The following BNC2 variants were observed in gnomAD, a reference collection of about 807,000 sequenced individuals.
BNC2 encodes basonuclin zinc finger protein 2.
In BNC2, 20 loss-of-function variants were observed where a neutral mutation model predicts 76.3. The ratio of observed to expected loss-of-function variants is 0.26; its 90% CI spans 0.18 to 0.38. The LOEUF is 0.38. Among genes scored for constraint, BNC2 ranks in the 10% least tolerant of loss-of-function variants. The pLI is 1.00. For synonymous variants in BNC2, 582 were observed against 514.8 expected (o/e 1.13, Z -1.77); for missense variants, 1,382 against 1,399.8 (o/e 0.99, Z 0.20).
chr9:16,661,163 G>C (rs933962542), intron 3 of BNC2, among the ~76,000 whole-genome samples: 1 of 152,140 alleles, frequency 6.6e-6, no homozygotes, highest in African/African-American at 2.4e-5. Flanking sequence ...TTCATTCCTA[G>C]AGAGAAAGAA....
At position 16,632,729 on chromosome 9, in the gene BNC2, C is replaced by CCAAGGTCTAATTTAACG. The variant is rs1390048634; in HGVS notation, c.331-49661_331-49645dup. Among the ~76,000 whole-genome samples, 9 of 152,258 alleles carry CCAAGGTCTAATTTAACG rather than the reference C, an allele frequency of 5.9e-5. No individual in the cohort carries two copies. The East Asian group carries it at 1.2e-3, about 20-fold the overall frequency. ...CATGTCTCTGAATGAGACACCCATC[C>CCAAGGTCTAATTTAACG]CAAGGTCTAATTTAACGCCATCTGG... On this transcript the variant is annotated intron_variant, in intron 3 of 6. Coordinates refer to ENST00000380672, the MANE Select transcript of BNC2 (RefSeq NM_017637.6).
At chr9:16,636,991 C>A (rs570388452) in intron 3 of BNC2, among the ~76,000 whole-genome samples, 1 of 151,366 alleles carries the variant, frequency 6.6e-6, no homozygotes, top group South Asian at 2.1e-4. Flanking sequence ...ATGGGAAAAA[C>A]AAGCTAGAAG....
At chr9:16,607,518 T>G (rs1028348527) in intron 3 of BNC2, among the ~76,000 whole-genome samples, 1 of 152,196 alleles carries the variant, frequency 6.6e-6, no homozygotes, top group African/African-American at 2.4e-5. Context: ...TTAGGGTAAG[T>G]AAACAATTTT....
chr9:16,571,613 C>T (rs1224989120), intron 4 of BNC2, among the ~76,000 whole-genome samples: 1 of 152,106 alleles, frequency 6.6e-6, no homozygotes, highest in East Asian at 1.9e-4. Flanking sequence ...TGTCTCCTGT[C>T]TACTTTTCTT....
chr9:16,575,498 T>C (rs886440678), intron 4 of BNC2: 31 of 942,698 alleles, frequency 3.3e-5, no homozygotes, highest in Admixed American at 6.2e-5. Flanking sequence ...TTAAAGAAAA[T>C]TTAAGGAGTG....
At chr9:16,536,378 G>A (rs1478840390) in intron 5 of BNC2, among the ~76,000 whole-genome samples, 1 of 152,172 alleles carries the variant, frequency 6.6e-6, no homozygotes, top group Non-Finnish European at 1.5e-5. Flanking sequence ...TTCTTGTTGT[G>A]AAGTTCAGCA....
intron 1 of BNC2, among the ~76,000 whole-genome samples, chr9:16,847,910 C>A (rs928868081): frequency 1.3e-5 from 2 of 152,180 alleles, no homozygotes; most frequent in Non-Finnish European, 2.9e-5. Context: ...AGACAGGTTA[C>A]ATAAATACAT....
intron 3 of BNC2, among the ~76,000 whole-genome samples, chr9:16,608,693 C>T (rs1311531987): frequency 6.6e-6 from 1 of 152,046 alleles, no homozygotes; most frequent in Non-Finnish European, 1.5e-5. Flanking sequence ...CAGACATACA[C>T]TTTACATGTT....
At chr9:16,596,971 G>A (rs1281889028) in intron 3 of BNC2, among the ~76,000 whole-genome samples, 2 of 152,070 alleles carry the variant, frequency 1.3e-5, no homozygotes, top group Non-Finnish European at 2.9e-5. Context: ...AAGAAAATGT[G>A]ATCTATCACC....
intron 5 of BNC2, among the ~76,000 whole-genome samples, chr9:16,453,725 G>A (rs1420563759): frequency 6.6e-6 from 1 of 152,154 alleles, no homozygotes; most frequent in East Asian, 1.9e-4. Context: ...GCTGAGGCAG[G>A]AGAACTGCTT....
chr9:16,727,576 C>A (rs955755251), intron 3 of BNC2: 2 of 555,486 alleles, frequency 3.6e-6, no homozygotes, highest in Non-Finnish European at 6.3e-6. Context: ...TCTTTTACTT[C>A]GGTATCCTTT....
At chr9:16,474,325 C>T (rs1239264424) in intron 5 of BNC2, among the ~76,000 whole-genome samples, 5 of 152,104 alleles carry the variant, frequency 3.3e-5, no homozygotes, top group African/African-American at 4.8e-5. Flanking sequence ...AAGAAGAACA[C>T]TTGGGAACAT....
At chr9:16,794,146 T>C (rs898807277) in intron 1 of BNC2, among the ~76,000 whole-genome samples, 14 of 152,100 alleles carry the variant, frequency 9.2e-5, no homozygotes, top group Admixed American at 6.5e-4. Flanking sequence ...CTGCAAGGTA[T>C]TGTCCTCAGG....
intron 5 of BNC2, among the ~76,000 whole-genome samples, chr9:16,464,790 T>C (rs1224613404): frequency 6.6e-6 from 1 of 152,178 alleles, no homozygotes; most frequent in Non-Finnish European, 1.5e-5. Context: ...TTTTTCAAAA[T>C]TCATCTCCTA....
intron 1 of BNC2, among the ~76,000 whole-genome samples, chr9:16,786,440 A>T (rs1364087046): frequency 6.6e-6 from 1 of 152,042 alleles, no homozygotes; most frequent in East Asian, 1.9e-4. Context: ...AACGGAGGGA[A>T]AAAAAAAGTC....
At chr9:16,693,127 CA>C (rs34223075) in intron 3 of BNC2, among the ~76,000 whole-genome samples, 16 of 60,440 alleles carry the variant, frequency 2.6e-4, no homozygotes, top group South Asian at 2.1e-3. Context: ...AAGACAGTCT[CA>C]AAAAAAAAAA....
At chr9:16,575,886 G>A (rs1242688694) in intron 4 of BNC2, among the ~76,000 whole-genome samples, 2 of 152,212 alleles carry the variant, frequency 1.3e-5, no homozygotes, top group African/African-American at 2.4e-5. Context: ...AGGCAAAGCC[G>A]GGTTTCAGCA....
intron 1 of BNC2, among the ~76,000 whole-genome samples, chr9:16,820,443 A>C (rs1410158095): frequency 1.3e-5 from 2 of 152,136 alleles, no homozygotes; most frequent in Admixed American, 6.5e-5. Context: ...AAAAAGCAAT[A>C]ATAAGGCCCA....
At chr9:16,518,280 C>T in intron 5 of BNC2, among the ~76,000 whole-genome samples, 1 of 152,036 alleles carries the variant, frequency 6.6e-6, no homozygotes, top group South Asian at 2.1e-4. Flanking sequence ...ATAAAAAATA[C>T]AAAATTAGCT....
Sources: allele counts gnomAD v4.1 joint callset (sites outside exome capture counted in the v4.1 genomes callset), GRCh38; gene constraint gnomAD v4.1.1; transcripts MANE v1.5; gene names NCBI Gene and HGNC (gene_info 2026-07-23, HGNC 2026-07-21).